Variants in OPCML observed in about 807,000 individuals in gnomAD.
OPCML encodes the protein opioid binding protein/cell adhesion molecule like, also known as opioid-binding protein/cell adhesion molecule.
A neutral mutation model predicts 37.8 loss-of-function variants in OPCML; 13 were observed. That is an observed-to-expected ratio of 0.34 (90% CI 0.22 to 0.55). The LOEUF (loss-of-function observed/expected upper bound fraction) is 0.55, where lower values mean the gene tolerates loss of function less well. Among genes scored for constraint, OPCML ranks in the 20% least tolerant of loss-of-function variants. The pLI is 0.91. For missense variants in OPCML, 341 were observed against 435.6 expected (o/e 0.78, Z 1.93); for synonymous variants, 176 against 168.8 (o/e 1.04, Z -0.33).
intron 2 of OPCML, among the ~76,000 whole-genome samples, chr11:132,697,442 T>C (rs1212016038): frequency 6.6e-6 from 1 of 152,144 alleles, no homozygotes; most frequent in African/African-American, 2.4e-5. Context: ...GCTTCCCTCC[T>C]CCTCCAGTCC....
intron 1 of OPCML, among the ~76,000 whole-genome samples, chr11:133,318,424 C>CAGCAAGAATCTCGTTTGGTCTGTTT: frequency 6.6e-6 from 1 of 152,298 alleles, no homozygotes; most frequent in South Asian, 2.1e-4. Flanking sequence ...GGCCTGTCTT[C>CAGCAAGAATCTCGTTTGGTCTGTTT]AGCAAGAATC....
chr11:133,394,210 C>T (rs1404453736), intron 1 of OPCML, among the ~76,000 whole-genome samples: 2 of 152,156 alleles, frequency 1.3e-5, no homozygotes. Context: ...TTATAGTTGC[C>T]AAATTATGTT....
chr11:133,319,348 C>G (rs1471104763), intron 1 of OPCML, among the ~76,000 whole-genome samples: 1 of 152,166 alleles, frequency 6.6e-6, no homozygotes, highest in Non-Finnish European at 1.5e-5. Flanking sequence ...TGACCACACA[C>G]AGCATAGTTC....
chr11:133,390,732 T>C (rs1945158104), intron 1 of OPCML, among the ~76,000 whole-genome samples: 1 of 152,120 alleles, frequency 6.6e-6, no homozygotes, highest in African/African-American at 2.4e-5. Flanking sequence ...AACAACTCAA[T>C]GCAGTTTGGA....
chr11:132,552,603 A>G (rs2096384444), intron 3 of OPCML, among the ~76,000 whole-genome samples: 1 of 152,046 alleles, frequency 6.6e-6, no homozygotes, highest in South Asian at 2.1e-4. Flanking sequence ...AGTATTCCTA[A>G]ACTTATGGAC....
intron 1 of OPCML, among the ~76,000 whole-genome samples, chr11:133,190,327 G>A (rs1340498968): frequency 3.9e-5 from 6 of 152,190 alleles, no homozygotes; most frequent in East Asian, 1.9e-4. Context: ...AAAAAAAGAG[G>A]AAGGGAGAAG....
intron 7 of OPCML, among the ~76,000 whole-genome samples, chr11:132,424,507 C>T (rs116036448): frequency 2.6e-5 from 4 of 152,206 alleles, no homozygotes; most frequent in African/African-American, 4.8e-5. Flanking sequence ...GGAAGAAAGG[C>T]GAAGGAGCAG....
At chr11:132,518,225 C>T (rs1376744038) in intron 4 of OPCML, among the ~76,000 whole-genome samples, 1 of 152,148 alleles carries the variant, frequency 6.6e-6, no homozygotes, top group Non-Finnish European at 1.5e-5. Flanking sequence ...CTCTCCCTCC[C>T]ATTGCCCCCA....
intron 3 of OPCML, among the ~76,000 whole-genome samples, chr11:132,577,478 T>A (rs530098855): frequency 6.6e-6 from 1 of 152,180 alleles, no homozygotes; most frequent in African/African-American, 2.4e-5. Context: ...AACATATACA[T>A]AGGAGATTGG....
intron 1 of OPCML, among the ~76,000 whole-genome samples, chr11:133,458,713 G>A (rs1216481205): frequency 3.9e-5 from 5 of 127,990 alleles, no homozygotes; most frequent in African/African-American, 7.7e-5. Flanking sequence ...ATAGATGCAC[G>A]TGTGTGTATA....
intron 4 of OPCML, among the ~76,000 whole-genome samples, chr11:132,526,524 G>A (rs1458767949): frequency 1.3e-5 from 2 of 151,932 alleles, no homozygotes; most frequent in East Asian, 3.9e-4. Context: ...AAGAATATTA[G>A]GCTAATTTAT....
At chr11:133,084,874 A>T (rs1162819623) in intron 1 of OPCML, among the ~76,000 whole-genome samples, 2 of 152,216 alleles carry the variant, frequency 1.3e-5, no homozygotes, top group Non-Finnish European at 2.9e-5. Context: ...TAGATTTATT[A>T]TAAGAACCAT....
At chr11:132,725,793 A>AG (rs1392604710) in intron 2 of OPCML, among the ~76,000 whole-genome samples, 2,386 of 151,484 alleles carry the variant, frequency 0.016, 63 homozygotes, top group African/African-American at 0.054. Flanking sequence ...AAAAAAAAAA[A>AG]AAAGAAAGAA....
At chr11:132,617,795 C>A (rs1198365619) in intron 3 of OPCML, among the ~76,000 whole-genome samples, 8 of 152,232 alleles carry the variant, frequency 5.3e-5, no homozygotes, top group Non-Finnish European at 1.2e-4. Context: ...TCACTGACAT[C>A]ATTCCTCTTC....
chr11:133,465,592 T>C (rs901113160), intron 1 of OPCML, among the ~76,000 whole-genome samples: 1 of 152,190 alleles, frequency 6.6e-6, no homozygotes, highest in Non-Finnish European at 1.5e-5. Flanking sequence ...CCTAAGTCAA[T>C]AAGCACATAT....
chr11:132,480,872 C>T (rs146072061), intron 4 of OPCML, among the ~76,000 whole-genome samples: 1 of 151,876 alleles, frequency 6.6e-6, no homozygotes, highest in Non-Finnish European at 1.5e-5. Flanking sequence ...GAATGAAGCG[C>T]TAAACATGGA....
intron 1 of OPCML, among the ~76,000 whole-genome samples, chr11:133,378,649 A>T (rs916902335): frequency 6.6e-6 from 1 of 151,438 alleles, no homozygotes; most frequent in Non-Finnish European, 1.5e-5. Context: ...CTGCATGCGA[A>T]TTTCTTTCTT....
intron 1 of OPCML, among the ~76,000 whole-genome samples, chr11:133,311,885 G>A (rs544479359): frequency 3.5e-4 from 54 of 152,284 alleles, no homozygotes; most frequent in African/African-American, 1.2e-3. Context: ...GTGTCACAGT[G>A]CTTCTCCACC....
intron 2 of OPCML, among the ~76,000 whole-genome samples, chr11:132,827,315 C>T (rs146646265): frequency 6.4e-4 from 98 of 152,264 alleles, no homozygotes; most frequent in Middle Eastern, 3.4e-3. Context: ...ATGAAGAATG[C>T]TAAACATCAT....
Sources: gnomAD v4.1 joint callset for allele counts (sites outside exome capture counted in the v4.1 genomes callset) on GRCh38, gnomAD v4.1.1 for gene constraint, MANE v1.5 for transcripts, NCBI Gene and HGNC (gene_info 2026-07-23, HGNC 2026-07-21) for gene names.